The following CHD2 variants were observed in gnomAD, a reference collection of about 807,000 sequenced individuals.
CHD2 encodes the protein chromodomain helicase DNA binding protein 2, also known as ATP-dependent chromatin remodeler CHD2.
CHD2 carries 28 observed loss-of-function variants against 243.9 expected under a neutral mutation model. The observed-to-expected ratio is 0.11, with a 90% CI of 0.09 to 0.16. The LOEUF (loss-of-function observed/expected upper bound fraction) is 0.16. CHD2 is among the 10% of genes least tolerant of loss of function. The pLI is 1.00. For synonymous variants in CHD2, 775 were observed against 779.0 expected (o/e 0.99, Z 0.09); for missense variants, 1,386 against 2,209.8 (o/e 0.63, Z 7.47).
chr15:93,010,411 T>A (rs1374953941), intron 35 of CHD2, among the ~76,000 whole-genome samples: 3 of 15,004 alleles, frequency 2.0e-4, no homozygotes, highest in Non-Finnish European at 4.3e-4. Flanking sequence ...TGACTGGAAA[T>A]TTTTTTTTTT....
intron 16 of CHD2, 52 bp from the exon 17 acceptor site, chr15:92,967,273 A>G: frequency 1.5e-6 from 2 of 1,313,040 alleles, no homozygotes; most frequent in Non-Finnish European, 2.1e-6. Context: ...TTTTTTTCCT[A>G]TTCTTCTTTT....
chr15:93,007,126 C>G lies in CHD2; in HGVS notation c.4414-2019C>G, dbSNP rs28488069. Among the ~76,000 whole-genome samples, 5 of 152,312 alleles carry G rather than the reference C, an allele frequency of 3.3e-5. No individual in the cohort carries two copies. In the South Asian group the frequency reaches 1.0e-3, roughly 32 times the overall value. On this transcript the variant is annotated intron_variant, in intron 34 of 38. Coordinates refer to ENST00000394196, the MANE Select transcript of CHD2 (RefSeq NM_001271.4). Reference sequence around the variant, plus strand: ...GCCACTTTATTAGATACTCGAGTTCCTCTTGAAAGCAGTTGTAGAGATTGC... The same window carrying G: ...GCCACTTTATTAGATACTCGAGTTCGTCTTGAAAGCAGTTGTAGAGATTGC...
At chr15:92,945,799 G>T in intron 10 of CHD2, 22 bp from the exon 11 acceptor site, 1 of 1,492,918 alleles carries the variant, frequency 6.7e-7, no homozygotes, top group Non-Finnish European at 9.1e-7. Flanking sequence ...TAACTTTTCT[G>T]TCTTATTTTT....
chr15:92,989,878 G>A (rs1204282900), intron 26 of CHD2, among the ~76,000 whole-genome samples: 2 of 152,188 alleles, frequency 1.3e-5, no homozygotes, highest in South Asian at 2.1e-4. Flanking sequence ...AGGAGCGTGC[G>A]GAAGGACCCT....
chr15:92,943,156 C>G (rs1015230822), intron 9 of CHD2, 88 bp downstream of exon 9: 2 of 1,027,666 alleles, frequency 1.9e-6, no homozygotes, highest in Admixed American at 4.8e-5. Flanking sequence ...TCACAGCTAT[C>G]TAGAATCTCA....
chr15:92,992,748 A>G, intron 27 of CHD2, 111 bp from the exon 28 acceptor site: 1 of 1,403,594 alleles, frequency 7.1e-7, no homozygotes, highest in Non-Finnish European at 9.7e-7. Flanking sequence ...AAGGAACGCA[A>G]AGAAAAGTGT....
At chr15:92,916,761 C>G (rs746325526) in intron 2 of CHD2, among the ~76,000 whole-genome samples, 9 of 152,152 alleles carry the variant, frequency 5.9e-5, no homozygotes, top group African/African-American at 2.2e-4. Flanking sequence ...ACCATGTGGT[C>G]CAGGATTGTC....
At chr15:92,950,930 G>A (rs2053545649) in intron 13 of CHD2, among the ~76,000 whole-genome samples, 1 of 152,134 alleles carries the variant, frequency 6.6e-6, no homozygotes, top group Non-Finnish European at 1.5e-5. Flanking sequence ...GGTGTCTTGA[G>A]AAGATTGAGA....
intron 37 of CHD2, among the ~76,000 whole-genome samples, chr15:93,019,099 G>C (rs2054498313): frequency 6.6e-6 from 1 of 152,198 alleles, no homozygotes; most frequent in Non-Finnish European, 1.5e-5. Flanking sequence ...AAGAGACAGA[G>C]CACTGATCCA....
At chr15:93,017,874 C>CT (rs2054484124) in intron 37 of CHD2, among the ~76,000 whole-genome samples, 2 of 152,130 alleles carry the variant, frequency 1.3e-5, no homozygotes, top group African/African-American at 2.4e-5. Context: ...GTTATACTGG[C>CT]TTTTTTCTAG....
chr15:92,992,372 C>T (rs1823349116), intron 27 of CHD2, among the ~76,000 whole-genome samples: 1 of 152,078 alleles, frequency 6.6e-6, no homozygotes, highest in African/African-American at 2.4e-5. Flanking sequence ...CTTTTGACAG[C>T]CTGTTTTTTA....
chr15:92,929,477 T>C (rs1252524635), intron 5 of CHD2, among the ~76,000 whole-genome samples: 1 of 152,146 alleles, frequency 6.6e-6, no homozygotes, highest in Non-Finnish European at 1.5e-5. Context: ...GGCAAAATTA[T>C]ATTGGCTGAA....
At chr15:92,914,795 C>T (rs530672470) in intron 2 of CHD2, among the ~76,000 whole-genome samples, 7 of 152,112 alleles carry the variant, frequency 4.6e-5, no homozygotes, top group Non-Finnish European at 1.0e-4. Flanking sequence ...AGCACCCCAT[C>T]TATAAAAAAA....
chr15:92,990,693 C>A (rs1294317718), intron 26 of CHD2, among the ~76,000 whole-genome samples: 2 of 152,198 alleles, frequency 1.3e-5, no homozygotes, highest in Non-Finnish European at 2.9e-5. Context: ...CATGTCTTCT[C>A]ATTTCCATTT....
chr15:92,997,010 G>T lies in CHD2; in HGVS notation c.3649G>T (p.Val1217Phe). ...AACAATCAAGATATCCGGAGTTCAG[G>T]TTAATGTGAAATCCATTATCCAACA... ...GPTIKISGVQ[V>F]NVKSIIQHEE... is the part of the protein sequence containing the mutation. The change falls in exon 29 of 39, where the codon GTT becomes TTT. Residue 1217 changes from valine to phenylalanine, a missense_variant. Around this residue, in one of 19 missense-constraint regions of CHD2, gnomAD observed 99 missense variants for 176.9 expected, o/e 0.56. Transcript: ENST00000394196. This position sits in a 1 kb window ranked among gnomAD's most constrained non-coding sequence, Gnocchi z 4.1. 6.2e-7 allele frequency: 1 copy of T among 1,613,844 alleles called. No individual in the cohort carries two copies. Among genetic ancestry groups the T allele is most frequent in the Non-Finnish European group, 8.5e-7 (1 of 1,179,938 alleles).
At chr15:92,975,951 G>A (rs2053901905) in intron 20 of CHD2, among the ~76,000 whole-genome samples, 1 of 152,070 alleles carries the variant, frequency 6.6e-6, no homozygotes, top group Non-Finnish European at 1.5e-5. Flanking sequence ...TCCTTTCCTT[G>A]CTCCTTGTTT....
Position 92,924,113 on chromosome 15 carries a change from C to T in CHD2, c.63-208C>T, listed in dbSNP as rs554333943. Among the ~76,000 whole-genome samples the T allele has an allele frequency of 8.6e-4, 131 of 152,200 alleles. 1 individual carries two copies. In the Middle Eastern group the frequency reaches 0.027, roughly 32 times the overall value. The stretch of plus-strand genomic sequence containing the variant: ...AACCTGTTCTGTAGCATCATGTAAA[C>T]ATTCAGGAAAGGGTAGCTATTGGGG... On this transcript the variant is annotated intron_variant, in intron 2 of 38. Transcript: ENST00000394196.
chr15:92,978,434 G>C (rs572505108), intron 21 of CHD2, 51 bp downstream of exon 21: 1 of 1,569,272 alleles, frequency 6.4e-7, no homozygotes, highest in Admixed American at 1.8e-5. Context: ...GGGCCAGGGG[G>C]CTTGTTCAGC....
At chr15:92,932,387 C>T (rs1399727901) in intron 5 of CHD2, among the ~76,000 whole-genome samples, 1 of 151,040 alleles carries the variant, frequency 6.6e-6, no homozygotes, top group Non-Finnish European at 1.5e-5. Context: ...TGGTGTGCTG[C>T]ACCCGTTAAC....
Sources: gnomAD v4.1 joint callset for allele counts (sites outside exome capture counted in the v4.1 genomes callset) on GRCh38, gnomAD v4.1.1 for gene constraint, gnomAD v4.1.1 regional missense constraint, Gnocchi (gnomAD v3.1) non-coding constraint, MANE v1.5 for transcripts, NCBI Gene and HGNC (gene_info 2026-07-23, HGNC 2026-07-21) for gene names.